CCDC136: variants seen among roughly 807,000 people sequenced by gnomAD.
The protein encoded by CCDC136 is coiled-coil domain containing 136.
In CCDC136, 100 loss-of-function variants were observed where a neutral mutation model predicts 141.2. That is an observed-to-expected ratio of 0.71 (90% CI 0.60 to 0.84). CCDC136 has a LOEUF of 0.84. CCDC136 is among the 40% of genes least tolerant of loss of function. The pLI is 0.00. For missense variants in CCDC136, 1,206 were observed against 1,379.4 expected, an observed-to-expected ratio of 0.87 and a Z score of 1.99; for synonymous variants, 474 against 531.9, an observed-to-expected ratio of 0.89 and a Z score of 1.50.
chr7:128,806,652 G>A, intron 8 of CCDC136, 36 bp from the exon 9 acceptor site: 1 of 1,585,902 alleles, frequency 6.3e-7, no homozygotes, highest in Non-Finnish European at 8.6e-7. Context: ...GGGTTAAGGA[G>A]CCCAAAGGCA....
At position 128,812,919 on chromosome 7, in the gene CCDC136, A is replaced by G. The variant is rs1806004492; in HGVS notation, c.2753A>G (p.Asp918Gly). The change falls in exon 14 of 18, where the codon GAC (aspartate) becomes GGC (glycine). Residue 918 changes from aspartate to glycine, a missense_variant. Coordinates refer to ENST00000297788, the MANE Select transcript of CCDC136 (RefSeq NM_022742.5). ...CLEKPMAPQN[D>G]KNEIKELQTK... is the part of the protein sequence containing the mutation. ...GAAAAGCCCATGGCCCCCCAGAACG[A>G]CAAGAATGAGGTAACCACTGTCAGG... is the stretch of plus-strand genomic sequence containing the variant. The G allele has an allele frequency of 6.2e-7, 1 of 1,605,898 alleles. No homozygotes were observed. Among genetic ancestry groups the G allele is most frequent in the African/African-American group, 1.3e-5 (1 of 74,688 alleles).
chr7:128,791,404 TC>T, upstream of CCDC136: 1 of 868,306 alleles, frequency 1.2e-6, no homozygotes, highest in Non-Finnish European at 1.5e-6. The surrounding 1 kb of genome is among the most constrained non-coding windows in gnomAD (Gnocchi z 7.1). Context: ...TCGTCCGCCC[TC>T]CCTCCCTCCC....
chr7:128,813,611 C>T (rs934720829), intron 14 of CCDC136, among the ~76,000 whole-genome samples: 1 of 152,184 alleles, frequency 6.6e-6, no homozygotes, highest in South Asian at 2.1e-4. Flanking sequence ...GTACACACTT[C>T]AGGAGTGTAC....
intron 4 of CCDC136, among the ~76,000 whole-genome samples, chr7:128,801,960 T>C (rs1037542793): frequency 1.3e-5 from 2 of 152,114 alleles, no homozygotes; most frequent in Non-Finnish European, 2.9e-5. Context: ...TTTCCAGCTC[T>C]AGGATGGGCA....
chr7:128,816,281 T>C (rs1357913192), intron 16 of CCDC136, among the ~76,000 whole-genome samples: 2 of 152,242 alleles, frequency 1.3e-5, no homozygotes, highest in African/African-American at 2.4e-5. Flanking sequence ...AGGAAGGACA[T>C]TGACAGTGTG....
Position 128,814,835 on chromosome 7 carries a change from G to A in CCDC136, c.2961G>A (p.Met987Ile), listed in dbSNP as rs1427289869. The part of the protein sequence containing the change: ...EARGKNANKN[M>I]NKNANGVKMK... ...GGGGGAAGAATGCTAATAAGAACAT[G>A]AACAAGAATGCCAATGGGGTTAAAA... Residue 987 changes from methionine to isoleucine, a missense_variant, in exon 15 of 18, where the codon ATG (methionine) becomes ATA (isoleucine). Met to Ile is a conservative substitution (Grantham distance 10, BLOSUM62 1). Coordinates refer to ENST00000297788, the MANE Select transcript of CCDC136 (RefSeq NM_022742.5). 8 of 1,610,402 alleles carry A rather than the reference G, an allele frequency of 5.0e-6. No homozygotes were observed. Among genetic ancestry groups the A allele is most frequent in the East Asian group, 4.5e-5 (2 of 44,774 alleles).
intron 3 of CCDC136, among the ~76,000 whole-genome samples, chr7:128,796,739 A>ATATATATT: frequency 3.5e-5 from 4 of 113,380 alleles, no homozygotes; most frequent in African/African-American, 1.8e-4. Flanking sequence ...ATATATATAT[A>ATATATATT]TTCTTTTTTT....
At chr7:128,792,995 G>A (rs1802419031) in intron 1 of CCDC136, among the ~76,000 whole-genome samples, 1 of 152,224 alleles carries the variant, frequency 6.6e-6, no homozygotes, top group African/African-American at 2.4e-5. Flanking sequence ...CTGGAAGGAC[G>A]CTGGTCCATT....
At chr7:128,800,575 G>A (rs953261697) in intron 3 of CCDC136, among the ~76,000 whole-genome samples, 3 of 152,030 alleles carry the variant, frequency 2.0e-5, no homozygotes, top group South Asian at 2.1e-4. Flanking sequence ...GATTATAGGC[G>A]TGAGCCACTG....
intron 4 of CCDC136, 107 bp from the exon 5 acceptor site, chr7:128,804,543 A>C: frequency 1.5e-6 from 1 of 675,722 alleles, no homozygotes; most frequent in East Asian, 2.8e-5. Context: ...GAAAAAGAGA[A>C]GCTCTTTAAC....
chr7:128,807,780 T>C (rs1805096296), intron 10 of CCDC136: 2 of 324,030 alleles, frequency 6.2e-6, no homozygotes, highest in East Asian at 9.8e-5. Context: ...CCCCTGAAAG[T>C]TTTACACATG....
chr7:128,796,740 T>TATATATATATATATATATATATATATATA (rs61079649), intron 3 of CCDC136, among the ~76,000 whole-genome samples: 5 of 124,760 alleles, frequency 4.0e-5, no homozygotes, highest in African/African-American at 7.4e-5. Flanking sequence ...TATATATATA[T>TATATATATATATATATATATATATATATA]TCTTTTTTTT....
chr7:128,816,349 A>G (rs954563983), intron 16 of CCDC136, among the ~76,000 whole-genome samples: 3 of 152,154 alleles, frequency 2.0e-5, no homozygotes, highest in Admixed American at 1.3e-4. Context: ...CAGTTTTCCT[A>G]TGGTGCCCTG....
In CCDC136 at chr7:128,817,697, G is replaced by T. The variant is rs752075697; in HGVS notation, c.3364-61G>T. The T allele has an allele frequency of 8.9e-7, 1 of 1,118,284 alleles. No individual in the cohort carries two copies. Among genetic ancestry groups the T allele is most frequent in the African/African-American group, 1.5e-5 (1 of 65,220 alleles). The allele number at this position is 1,118,284 out of a possible 1,614,324, so 69.3% of individuals were successfully genotyped here. The stretch of plus-strand genomic sequence containing the variant: ...TCTTCATTATCTGTTGGATCCATGC[G>T]TTTATGTCTCACATCTCCTGGTCTC... On this transcript the variant is annotated intron_variant, in intron 16 of 17. Transcript: ENST00000297788. The surrounding 1 kb of genome is among the most constrained non-coding windows in gnomAD (Gnocchi z 4.6).
upstream of CCDC136, chr7:128,791,697 G>A (rs1802188865): frequency 7.8e-6 from 4 of 512,068 alleles, no homozygotes; most frequent in East Asian, 1.4e-4. The surrounding 1 kb of genome is among the most constrained non-coding windows in gnomAD (Gnocchi z 7.1). Context: ...GCCTCCACCG[G>A]GGCCCGGTCT....
At chr7:128,801,541 C>T (rs375043379) in intron 4 of CCDC136, 32 bp downstream of exon 4, 204 of 1,439,810 alleles carry the variant, frequency 1.4e-4, no homozygotes, top group Non-Finnish European at 1.8e-4. Flanking sequence ...TCAGTAAAGT[C>T]AAGCAGAGGA....
At chr7:128,795,903 C>T (rs1802872575) in intron 3 of CCDC136, among the ~76,000 whole-genome samples, 1 of 152,170 alleles carries the variant, frequency 6.6e-6, no homozygotes, top group Non-Finnish European at 1.5e-5. Flanking sequence ...AAATAAACAA[C>T]ACAAGTTCAG....
At chr7:128,820,715 C>T (rs896863235) in intron 17 of CCDC136, among the ~76,000 whole-genome samples, 4 of 152,238 alleles carry the variant, frequency 2.6e-5, no homozygotes, top group African/African-American at 4.8e-5. Flanking sequence ...CCTCCTCCCT[C>T]AGCCTCCGGA....
Position 128,815,819 on chromosome 7 carries a change from A to G in CCDC136, c.3251A>G (p.Asp1084Gly), listed in dbSNP as rs915184546. 1.1e-5 allele frequency: 18 copies of G among 1,609,172 alleles called. No individual in the cohort carries two copies. The highest frequency in any genetic ancestry group is 1.4e-5 in the Non-Finnish European group (16 of 1,177,886). Residue 1084 changes from aspartate (D) to glycine (G), a missense_variant, in exon 16 of 18, where the codon GAC becomes GGC. By Grantham distance (94) the Asp-to-Gly change is moderately conservative. Transcript: ENST00000297788. Reference sequence around the variant, plus strand: ...GAAGATCAGGAGGAAAATGAAGAGGACAAAGAGGAAGAGGAGAAGGAAGAA... The same window carrying G: ...GAAGATCAGGAGGAAAATGAAGAGGGCAAAGAGGAAGAGGAGAAGGAAGAA... ...STEDQEENEE[D>G]KEEEEKEEDS...
Sources: allele counts gnomAD v4.1 joint callset (sites outside exome capture counted in the v4.1 genomes callset), GRCh38; gene constraint gnomAD v4.1.1; non-coding constraint Gnocchi (gnomAD v3.1); transcripts MANE v1.5; gene names NCBI Gene and HGNC (gene_info 2026-07-23, HGNC 2026-07-21).